Variants in ACTN2 observed in about 807,000 individuals in gnomAD.
The protein encoded by ACTN2 is actinin alpha 2, also known as alpha-actinin-2.
In ACTN2, 39 loss-of-function variants were observed where a neutral mutation model predicts 113.8. The observed-to-expected ratio is 0.34, with a 90% CI of 0.27 to 0.45. The LOEUF (loss-of-function observed/expected upper bound fraction) is 0.45, where lower values mean the gene tolerates loss of function less well. Ranked by LOEUF, ACTN2 falls within the 20% of genes least tolerant of loss-of-function variation. ACTN2 has a pLI of 1.00. For synonymous variants in ACTN2, 429 were observed against 444.1 expected, an observed-to-expected ratio of 0.97 and a Z score of 0.43; for missense variants, 992 against 1,177.9, an observed-to-expected ratio of 0.84 and a Z score of 2.31.
At chr1:236,736,620 A>G (rs1029092809) in intron 8 of ACTN2, 5 of 1,535,628 alleles carry the variant, frequency 3.3e-6, no homozygotes, top group Middle Eastern at 3.3e-4. Context: ...AAAGTTCTAC[A>G]TGTTCATATC....
At position 236,686,751 on chromosome 1, in the gene ACTN2, G is replaced by GGACCGC; in HGVS notation, c.83_88dup (p.Arg28_Asp29dup). On this transcript the variant is annotated inframe_insertion, in exon 1 of 21. Coordinates refer to ENST00000366578, the MANE Select transcript of ACTN2 (RefSeq NM_001103.4). ...AGTACATGATCCAGGAGGAGGAGTG[G>GGACCGC]GACCGCGACCTGCTCCTGGACCCAG... The GGACCGC allele has an allele frequency of 6.4e-7, 1 of 1,552,764 alleles. No individual in the cohort carries two copies. Among genetic ancestry groups the GGACCGC allele is most frequent in the Non-Finnish European group, 8.7e-7 (1 of 1,148,860 alleles).
chr1:236,704,832 C>T (rs918985281), intron 1 of ACTN2, among the ~76,000 whole-genome samples: 2 of 152,114 alleles, frequency 1.3e-5, no homozygotes, highest in African/African-American at 2.4e-5. Flanking sequence ...GCTTGGAGAA[C>T]CGTGGGGAAA....
chr1:236,701,286 G>C (rs58455499), intron 1 of ACTN2, among the ~76,000 whole-genome samples: 4,011 of 152,262 alleles, frequency 0.026, 173 homozygotes, highest in African/African-American at 0.09. Context: ...ACATAGGGTA[G>C]TAATGCCTTT....
chr1:236,731,255 A>G lies in ACTN2; in HGVS notation c.638A>G (p.Asn213Ser), dbSNP rs758419978. ...LNKDDPIGNI[N>S]LAMEIAEKHL... is the part of the protein sequence containing the mutation. ...CAGGATGACCCCATAGGAAATATTA[A>G]CCTGGCCATGGAAATCGCTGAGAAG... Residue 213 changes from asparagine to serine, a missense_variant, in exon 7 of 21, where the codon AAC becomes AGC. Physicochemically the swap from Asn to Ser is conservative, Grantham distance 46. This residue lies in a region of ACTN2 where 220 missense variants were observed against 337.5 expected (regional missense o/e 0.65). Coordinates refer to ENST00000366578, the MANE Select transcript of ACTN2 (RefSeq NM_001103.4). The G allele has an allele frequency of 6.2e-7, 1 of 1,613,762 alleles. No individual in the cohort carries two copies.
intron 1 of ACTN2, among the ~76,000 whole-genome samples, chr1:236,698,868 T>C (rs1303488398): frequency 1.3e-5 from 2 of 152,196 alleles, no homozygotes; most frequent in Admixed American, 6.5e-5. Flanking sequence ...TACTGGATCT[T>C]CACAACCATC....
In ACTN2 at chr1:236,743,234, C is replaced by T. The variant is rs188726214; in HGVS notation, c.1255+191C>T. ...GGCATGAAAATTTAGTTTCTAATCA[C>T]GCAGGTAATCTATTTCTTCCCAAAA... On this transcript the variant is annotated intron_variant, in intron 11 of 20. Coordinates refer to ENST00000366578, the MANE Select transcript of ACTN2 (RefSeq NM_001103.4). Among the ~76,000 whole-genome samples, 45 of 152,246 alleles carry T rather than the reference C, an allele frequency of 3.0e-4. 1 individual carries two copies. In the South Asian group the frequency reaches 5.6e-3, roughly 19 times the overall value.
rs796733553 is a variant in ACTN2 at position 236,744,717 on chromosome 1, C to T, written c.1347C>T (p.Ser449=). 8.7e-6 allele frequency: 14 copies of T among 1,614,174 alleles called. No individual in the cohort carries two copies. The highest frequency in any genetic ancestry group is 1.7e-5 in the Admixed American group (1 of 60,022). The stretch of plus-strand genomic sequence containing the variant: ...TGCGGAAGCACGAGGCGTTCGAGAG[C>T]GACCTGGCAGCGCACCAGGACCGCG... ...ALLRKHEAFE[S]DLAAHQDRVE... Residue 449 remains serine, a synonymous_variant, in exon 12 of 21, where the codon AGC becomes AGT. Coordinates refer to ENST00000366578, the MANE Select transcript of ACTN2 (RefSeq NM_001103.4).
intron 9 of ACTN2, among the ~76,000 whole-genome samples, chr1:236,739,063 A>G (rs1355501892): frequency 6.6e-6 from 1 of 152,074 alleles, no homozygotes; most frequent in Non-Finnish European, 1.5e-5. Context: ...TTTGTAAGAC[A>G]CGACTTTACG....
chr1:236,709,401 G>T (rs1442928669), intron 1 of ACTN2, among the ~76,000 whole-genome samples: 1 of 147,294 alleles, frequency 6.8e-6, no homozygotes, highest in Non-Finnish European at 1.5e-5. Context: ...TCTGGGAAAG[G>T]ATCAGGATGT....
chr1:236,746,188 GA>G (rs374625975), intron 12 of ACTN2, among the ~76,000 whole-genome samples: 359 of 128,556 alleles, frequency 2.8e-3, no homozygotes, highest in African/African-American at 4.9e-3. Context: ...AAAAAAGAAA[GA>G]AAAAAAAAAA....
intron 15 of ACTN2, 76 bp from the exon 16 acceptor site, chr1:236,753,871 C>CAAA: frequency 1.8e-5 from 19 of 1,062,462 alleles, no homozygotes; most frequent in African/African-American, 3.2e-5. Context: ...ACCCCTTGGA[C>CAAA]TATTCCCGCA....
At chr1:236,755,489 A>G (rs549204737) in intron 17 of ACTN2, among the ~76,000 whole-genome samples, 1 of 152,332 alleles carries the variant, frequency 6.6e-6, no homozygotes, top group African/African-American at 2.4e-5. Context: ...CATTTCTGCC[A>G]GTTAGGCCCA....
rs540249103 is a variant in ACTN2 at position 236,719,874 on chromosome 1, A to T, written c.362-231A>T. Among the ~76,000 whole-genome samples, 139 of 152,264 alleles carry T rather than the reference A, an allele frequency of 9.1e-4. 1 individual carries two copies. Among genetic ancestry groups the T allele is most frequent in the African/African-American group, 3.0e-3 (125 of 41,554 alleles). On this transcript the variant is annotated intron_variant, in intron 3 of 20. Transcript: ENST00000366578. The stretch of plus-strand genomic sequence containing the variant: ...CGGGTGGTTTTCACTGATAATACAT[A>T]TGCAAGATTTGTGCTTATTATTAAC...
Position 236,686,838 on chromosome 1 carries a change from C to T in ACTN2, c.126+39C>T, listed in dbSNP as rs1250679109. 3 of 1,386,930 alleles carry T rather than the reference C, an allele frequency of 2.2e-6. No homozygotes were observed. In the South Asian group the frequency reaches 5.2e-5, roughly 24 times the overall value. The allele number at this position is 1,386,930 out of a possible 1,614,324, so 85.9% of individuals were successfully genotyped here. The stretch of plus-strand genomic sequence containing the variant: ...CGCGGGCCGCCCGCGCGTGGTGGGG[C>T]CGGGTCCCCCGCGGGGCTCCCGTGC... On this transcript the variant is annotated intron_variant, in intron 1 of 20. Coordinates refer to ENST00000366578, the MANE Select transcript of ACTN2 (RefSeq NM_001103.4).
At chr1:236,697,415 T>C (rs1375923884) in intron 1 of ACTN2, among the ~76,000 whole-genome samples, 7 of 152,180 alleles carry the variant, frequency 4.6e-5, no homozygotes, top group African/African-American at 1.7e-4. Context: ...ACGGAAGTTA[T>C]CTACATATGC....
At chr1:236,751,001 G>T (rs1403590773) in intron 14 of ACTN2, among the ~76,000 whole-genome samples, 3 of 148,528 alleles carry the variant, frequency 2.0e-5, no homozygotes, top group Non-Finnish European at 4.4e-5. Flanking sequence ...GAGGCAGGAG[G>T]ATTACTTGAG....
intron 7 of ACTN2, among the ~76,000 whole-genome samples, chr1:236,733,023 C>T (rs1251327674): frequency 2.6e-5 from 4 of 152,128 alleles, no homozygotes; most frequent in South Asian, 2.1e-4. Context: ...ATGCATTATT[C>T]GGAATTCTAC....
chr1:236,759,890 A>C, intron 19 of ACTN2, 101 bp downstream of exon 19: 1 of 1,108,440 alleles, frequency 9.0e-7, no homozygotes, highest in Non-Finnish European at 1.4e-6. Context: ...TGCATTTGGG[A>C]TTGGTTCGTT....
In ACTN2 at chr1:236,699,800, A is replaced by G. The variant is rs547255194; in HGVS notation, c.126+13001A>G. Among the ~76,000 whole-genome samples, 11 of 152,334 alleles carry G rather than the reference A, an allele frequency of 7.2e-5. No homozygotes were observed. In the East Asian group the frequency reaches 2.1e-3, roughly 29 times the overall value. ...TTTAATCATACCCCAAAGCAGAGAG[A>G]ATATAATGAATCTCTCCGTATCCAG... On this transcript the variant is annotated intron_variant, in intron 1 of 20. Coordinates refer to ENST00000366578, the MANE Select transcript of ACTN2 (RefSeq NM_001103.4).
Sources: allele counts gnomAD v4.1 joint callset (sites outside exome capture counted in the v4.1 genomes callset), GRCh38; gene constraint gnomAD v4.1.1; regional missense constraint gnomAD v4.1.1; transcripts MANE v1.5; gene names NCBI Gene and HGNC (gene_info 2026-07-23, HGNC 2026-07-21).